KIF18A: variants seen among roughly 807,000 people sequenced by gnomAD.
KIF18A encodes the protein kinesin-like protein KIF18A.
In KIF18A, 67 loss-of-function variants were observed where a neutral mutation model predicts 103.3. That is an observed-to-expected ratio of 0.65 (90% CI 0.53 to 0.79). KIF18A has a LOEUF of 0.79. KIF18A is among the 30% of genes least tolerant of loss of function. The probability of loss-of-function intolerance (pLI) is 0.00; values close to 1 mark genes in which losing one functional copy is unlikely to be tolerated. For missense variants in KIF18A, 1,032 were observed against 1,062.5 expected, an observed-to-expected ratio of 0.97 and a Z score of 0.40; for synonymous variants, 367 against 355.5, an observed-to-expected ratio of 1.03 and a Z score of -0.36.
intron 2 of KIF18A, among the ~76,000 whole-genome samples, chr11:28,095,104 C>A (rs979670218): frequency 6.6e-6 from 1 of 152,180 alleles, no homozygotes; most frequent in African/African-American, 2.4e-5. Context: ...TTATCCTTTG[C>A]AATTTGTAGT....
chr11:28,107,334 G>A (rs1851537578), intron 1 of KIF18A, among the ~76,000 whole-genome samples: 2 of 151,172 alleles, frequency 1.3e-5, no homozygotes, highest in Non-Finnish European at 2.9e-5. Context: ...ATAAACAGCA[G>A]TCAGTCTTGG....
intron 2 of KIF18A, among the ~76,000 whole-genome samples, chr11:28,095,184 T>C (rs1237911981): frequency 6.6e-6 from 1 of 152,232 alleles, no homozygotes; most frequent in Non-Finnish European, 1.5e-5. Flanking sequence ...TAAGTTCAAA[T>C]TCCTCACTTT....
intron 1 of KIF18A, among the ~76,000 whole-genome samples, chr11:28,101,830 T>C (rs1358322674): frequency 1.3e-5 from 2 of 152,128 alleles, no homozygotes; most frequent in South Asian, 2.1e-4. Flanking sequence ...AGGGAGAAAT[T>C]TGGACAATTA....
At chr11:28,043,514 C>T (rs1166321216) in intron 13 of KIF18A, among the ~76,000 whole-genome samples, 1 of 151,956 alleles carries the variant, frequency 6.6e-6, no homozygotes, top group Admixed American at 6.6e-5. Context: ...CAATGCTGAG[C>T]CCCTACCACA....
At chr11:28,090,252 T>G (rs566996142) in intron 5 of KIF18A, among the ~76,000 whole-genome samples, 1 of 152,306 alleles carries the variant, frequency 6.6e-6, no homozygotes, top group East Asian at 1.9e-4. Flanking sequence ...TGAAATCTTT[T>G]AAAGATGAAT....
At chr11:28,100,180 T>C (rs763726211) in intron 1 of KIF18A, among the ~76,000 whole-genome samples, 34 of 151,550 alleles carry the variant, frequency 2.2e-4, no homozygotes, top group Admixed American at 3.9e-4. Flanking sequence ...GGGCGGGAAG[T>C]GGTGGGAGGC....
At chr11:28,063,978 T>C (rs1182075169) in intron 11 of KIF18A, among the ~76,000 whole-genome samples, 2 of 151,732 alleles carry the variant, frequency 1.3e-5, no homozygotes, top group Non-Finnish European at 2.9e-5. Context: ...TTTTTCTCCT[T>C]TTTAGAAAGT....
chr11:28,084,468 C>T (rs949960349), intron 7 of KIF18A, 164 bp downstream of exon 7: 4 of 333,398 alleles, frequency 1.2e-5, no homozygotes, highest in Non-Finnish European at 2.2e-5. Context: ...ATGGTTTAAC[C>T]GTCTAAATTA....
At chr11:28,083,700 T>C (rs1851193763) in intron 7 of KIF18A, among the ~76,000 whole-genome samples, 1 of 152,146 alleles carries the variant, frequency 6.6e-6, no homozygotes, top group African/African-American at 2.4e-5. Flanking sequence ...ACTTCTCACT[T>C]AACCTGACTT....
At chr11:28,049,110 T>C (rs931896307) in intron 13 of KIF18A, among the ~76,000 whole-genome samples, 7 of 152,096 alleles carry the variant, frequency 4.6e-5, no homozygotes, top group African/African-American at 1.2e-4. Context: ...TAGATGTCAC[T>C]ATATTATTCA....
intron 9 of KIF18A, among the ~76,000 whole-genome samples, chr11:28,082,245 A>G (rs528253561): frequency 6.6e-6 from 1 of 152,278 alleles, no homozygotes; most frequent in South Asian, 2.1e-4. Flanking sequence ...CAAATTTTTA[A>G]AGAAGTTCTA....
intron 1 of KIF18A, among the ~76,000 whole-genome samples, chr11:28,100,517 T>C (rs1851431224): frequency 7.8e-6 from 1 of 128,038 alleles, no homozygotes; most frequent in Admixed American, 8.7e-5. Flanking sequence ...ACAAGGTATA[T>C]GGAAAGGACT....
At chr11:28,062,635 G>T in intron 11 of KIF18A, 119 bp from the exon 12 acceptor site, 2 of 734,400 alleles carry the variant, frequency 2.7e-6, no homozygotes, top group Non-Finnish European at 3.9e-6. Flanking sequence ...TAAATAATAT[G>T]TTTAGAAACA....
chr11:28,107,479 T>C (rs1851544559), intron 1 of KIF18A, among the ~76,000 whole-genome samples: 1 of 152,116 alleles, frequency 6.6e-6, no homozygotes, highest in African/African-American at 2.4e-5. Flanking sequence ...AAACAGTATC[T>C]CTTCCGTACC....
intron 6 of KIF18A, among the ~76,000 whole-genome samples, chr11:28,085,962 T>C (rs1565088180): frequency 6.6e-6 from 1 of 152,126 alleles, no homozygotes. Flanking sequence ...ATGAAACAAA[T>C]ATCATATTTA....
chr11:28,064,146 T>A (rs557122350), intron 11 of KIF18A, among the ~76,000 whole-genome samples: 1 of 151,398 alleles, frequency 6.6e-6, no homozygotes, highest in South Asian at 2.1e-4. Context: ...TATAGTATAT[T>A]TATATATTAA....
intron 13 of KIF18A, among the ~76,000 whole-genome samples, chr11:28,052,193 C>A (rs1284638526): frequency 1.3e-5 from 2 of 151,998 alleles, no homozygotes; most frequent in Non-Finnish European, 2.9e-5. Context: ...TCAGCCCTTG[C>A]CATAGTATAA....
Position 28,097,941 on chromosome 11 carries a change from C to T in KIF18A, c.7G>A (p.Val3Ile), listed in dbSNP as rs942559728. 14 of 1,562,468 alleles carry T rather than the reference C, an allele frequency of 9.0e-6. No homozygotes were observed. The highest frequency in any genetic ancestry group is 1.2e-5 in the Non-Finnish European group (14 of 1,157,920). ...TGGTGGCACAGGTCTTCCTCAGTGA[C>T]AGACATTGTTGATTATCTTGATTCC... MSVTEEDLCHHMK... is the reference protein window; with the variant it reads MSITEEDLCHHMK... The change falls in exon 2 of 17, where the codon GTC (valine) becomes ATC (isoleucine). Residue 3 changes from valine (V) to isoleucine (I), a missense_variant. By Grantham distance (29) the Val-to-Ile change is conservative. Transcript: ENST00000263181.
intron 10 of KIF18A, 51 bp downstream of exon 10, chr11:28,076,956 G>T (rs757350453): frequency 2.1e-4 from 87 of 415,914 alleles, no homozygotes; most frequent in South Asian, 3.3e-4. Flanking sequence ...AAAAAAAAAA[G>T]CCCCCATGTT....
Sources: allele counts gnomAD v4.1 joint callset (sites outside exome capture counted in the v4.1 genomes callset), GRCh38; gene constraint gnomAD v4.1.1; transcripts MANE v1.5; gene names NCBI Gene and HGNC (gene_info 2026-07-23, HGNC 2026-07-21).